The following RMC1 variants were observed in gnomAD, a reference collection of about 807,000 sequenced individuals.
RMC1 encodes regulator of MON1-CCZ1 complex.
RMC1 carries 44 observed loss-of-function variants against 95.5 expected under a neutral mutation model. The observed-to-expected ratio is 0.46, with a 90% confidence interval of 0.36 to 0.59. RMC1 has a LOEUF of 0.59. Among genes scored for constraint, RMC1 ranks in the 20% least tolerant of loss-of-function variants. RMC1 has a pLI of 0.00. For missense variants in RMC1, 705 were observed against 819.6 expected, an observed-to-expected ratio of 0.86 and a Z score of 1.71; for synonymous variants, 320 against 303.6, an observed-to-expected ratio of 1.05 and a Z score of -0.56.
Position 23,504,384 on chromosome 18 carries a change from G to A in RMC1, c.116G>A (p.Arg39Gln). 6.2e-7 allele frequency: 1 copy of A among 1,614,160 alleles called. No homozygotes were observed. Among genetic ancestry groups the A allele is most frequent in the Non-Finnish European group, 8.5e-7 (1 of 1,180,012 alleles). ...DEANKQVFAV[R>Q]SGGATGVVVK... ...TTTCCCTCTCAGGTTTTTGCTGTTC[G>A]ATCTGGTGGAGCTACTGGCGTGGTA... The change falls in exon 2 of 20, where the codon CGA (arginine) becomes CAA (glutamine). Residue 39 changes from arginine to glutamine, a missense_variant. Arg to Gln is a conservative substitution (Grantham distance 43). Coordinates refer to ENST00000269221, the MANE Select transcript of RMC1 (RefSeq NM_013326.5).
rs1348519777 is a variant in RMC1 at position 23,526,637 on chromosome 18, G to C, written c.1061G>C (p.Gly354Ala). The C allele has an allele frequency of 6.2e-7, 1 of 1,613,588 alleles. No homozygotes were observed. Among genetic ancestry groups the C allele is most frequent in the East Asian group, 2.2e-5 (1 of 44,864 alleles). ...TTATTTGCTGCCTCTTAAAATCCAG[G>C]TTACCTCTGGAACCTCCAAGTGAAA... ...QPDIIISASQ[G>A]YLWNLQVKLE... Residue 354 changes from glycine (G) to alanine (A), a missense_variant and splice_region_variant, in exon 13 of 20, where the codon GGT (glycine) becomes GCT (alanine). Physicochemically the swap from Gly to Ala is moderately conservative, Grantham distance 60. Coordinates refer to ENST00000269221, the MANE Select transcript of RMC1 (RefSeq NM_013326.5).
At chr18:23,531,011 T>C (rs867650870) in intron 19 of RMC1, among the ~76,000 whole-genome samples, 1 of 152,176 alleles carries the variant, frequency 6.6e-6, no homozygotes, top group Non-Finnish European at 1.5e-5. Flanking sequence ...CATTTTTTTT[T>C]TGAGACAGAG....
intron 9 of RMC1, 115 bp from the exon 10 acceptor site, chr18:23,520,087 A>G (rs2276260): frequency 1.4e-6 from 1 of 734,816 alleles, no homozygotes; most frequent in South Asian, 1.6e-5. Context: ...GCCTGTAGGG[A>G]GGAAATGCAA....
chr18:23,505,764 G>A (rs925692285), intron 2 of RMC1, among the ~76,000 whole-genome samples: 5 of 152,298 alleles, frequency 3.3e-5, no homozygotes, highest in Non-Finnish European at 5.9e-5. Flanking sequence ...TGGGTCTCTC[G>A]TAAGACCCGG....
At chr18:23,530,826 G>A (rs1230526946) in intron 19 of RMC1, among the ~76,000 whole-genome samples, 1 of 152,146 alleles carries the variant, frequency 6.6e-6, no homozygotes, top group Non-Finnish European at 1.5e-5. Flanking sequence ...GAGGAGGTGT[G>A]TTTTGAGTCA....
At chr18:23,515,765 T>C in intron 5 of RMC1, 91 bp from the exon 6 acceptor site, 1 of 1,495,880 alleles carries the variant, frequency 6.7e-7, no homozygotes, top group Non-Finnish European at 9.2e-7. Context: ...ACTCCTGACC[T>C]CAGGTGATCC....
At chr18:23,517,241 C>T (rs535903593) in intron 7 of RMC1, among the ~76,000 whole-genome samples, 1 of 152,034 alleles carries the variant, frequency 6.6e-6, no homozygotes, top group South Asian at 2.1e-4. Flanking sequence ...CCTCCGCCTC[C>T]CAGGTTCAAG....
At chr18:23,514,384 T>C in intron 5 of RMC1, among the ~76,000 whole-genome samples, 1 of 152,162 alleles carries the variant, frequency 6.6e-6, no homozygotes, top group Non-Finnish European at 1.5e-5. Flanking sequence ...CCGTCTCTAC[T>C]GTCTCAAAAT....
chr18:23,521,475 T>C (rs1439043406), intron 10 of RMC1, among the ~76,000 whole-genome samples: 3 of 152,350 alleles, frequency 2.0e-5, no homozygotes, highest in African/African-American at 7.2e-5. Flanking sequence ...TATTGCATTC[T>C]TTGGGACTGA....
intron 3 of RMC1, 117 bp downstream of exon 3, chr18:23,507,171 T>C (rs2057736836): frequency 1.5e-6 from 1 of 686,838 alleles, no homozygotes; most frequent in Non-Finnish European, 2.5e-6. Flanking sequence ...TTGTGAAAGG[T>C]ATAGTTATGT....
intron 5 of RMC1, among the ~76,000 whole-genome samples, chr18:23,515,531 GATTT>G (rs1251938695): frequency 2.0e-5 from 3 of 152,120 alleles, no homozygotes; most frequent in Non-Finnish European, 4.4e-5. Flanking sequence ...TGCTGTTATT[GATTT>G]ATTTATTAAT....
chr18:23,505,127 G>C (rs1459570312), intron 2 of RMC1, among the ~76,000 whole-genome samples: 1 of 152,132 alleles, frequency 6.6e-6, no homozygotes, highest in Non-Finnish European at 1.5e-5. Context: ...GTGCGATCTT[G>C]GCTGACTGCA....
In RMC1 at chr18:23,529,706, A is replaced by C. The variant is rs776866747; in HGVS notation, c.1488A>C (p.Ala496=). 8.1e-6 allele frequency: 13 copies of C among 1,613,204 alleles called. No homozygotes were observed. The Admixed American group carries it at 1.3e-4, about 17-fold the overall frequency. Reference sequence around the variant, plus strand: ...GTTCTCTTAACCAGTTTCAGATTGCAGTACAGGTACCTTCAAATCATCTGG... The same window carrying C: ...GTTCTCTTAACCAGTTTCAGATTGCCGTACAGGTACCTTCAAATCATCTGG... ...YIRSLNQFQI[A]VQHYLHELVI... Residue 496 remains alanine, a synonymous_variant, in exon 16 of 20, where the codon GCA becomes GCC. Transcript: ENST00000269221.
chr18:23,523,941 T>C (rs939985011), intron 10 of RMC1, among the ~76,000 whole-genome samples, 189 bp from the exon 11 acceptor site: 4 of 152,178 alleles, frequency 2.6e-5, no homozygotes, highest in African/African-American at 9.7e-5. Flanking sequence ...TTTTCCTGGA[T>C]TGTTAGCTCC....
At chr18:23,509,855 G>A (rs901145505) in intron 5 of RMC1, among the ~76,000 whole-genome samples, 5 of 150,858 alleles carry the variant, frequency 3.3e-5, no homozygotes, top group African/African-American at 9.7e-5. Flanking sequence ...CACTGCGCCC[G>A]GCCCTGGCTA....
In RMC1 at chr18:23,530,146, GA is replaced by G. The variant is rs756163108; in HGVS notation, c.1599+15del. ...TCCAAACCTTTGGTATGCATTGCCA[GA>G]TTTTTACTTCCATTGTGGTTAAAAA... is the stretch of plus-strand genomic sequence containing the variant. On this transcript the variant is annotated intron_variant, in intron 17 of 19. Coordinates refer to ENST00000269221, the MANE Select transcript of RMC1 (RefSeq NM_013326.5). 1.2e-6 allele frequency: 2 copies of G among 1,613,820 alleles called. No individual in the cohort carries two copies. The highest frequency in any genetic ancestry group is 1.7e-6 in the Non-Finnish European group (2 of 1,179,694).
intron 10 of RMC1, 24 bp from the exon 11 acceptor site, chr18:23,524,106 C>T (rs1264787543): frequency 1.2e-6 from 2 of 1,613,678 alleles, no homozygotes; most frequent in Admixed American, 1.7e-5. Context: ...TGCATCGTTG[C>T]ACTTATGTTT....
intron 7 of RMC1, 79 bp downstream of exon 7, chr18:23,516,502 C>T: frequency 1.4e-6 from 2 of 1,416,606 alleles, no homozygotes; most frequent in South Asian, 2.3e-5. Flanking sequence ...GTTACAAGCA[C>T]CACGTGATGC....
chr18:23,518,907 T>G lies in RMC1; in HGVS notation c.671T>G (p.Val224Gly). The G allele has an allele frequency of 1.2e-6, 2 of 1,614,134 alleles. No homozygotes were observed. Among genetic ancestry groups the G allele is most frequent in the Non-Finnish European group, 1.7e-6 (2 of 1,179,982 alleles). ...AMATIYGQLY[V>G]LFLRHHSRTS... ...CTAATTAGATACGGGCAGCTGTATG[T>G]TCTCTTCTTGAGGCATCATTCTCGG... The change falls in exon 8 of 20, where the codon GTT (valine) becomes GGT (glycine). Residue 224 changes from valine to glycine, a missense_variant. Coordinates refer to ENST00000269221, the MANE Select transcript of RMC1 (RefSeq NM_013326.5).
Sources: allele counts gnomAD v4.1 joint callset (sites outside exome capture counted in the v4.1 genomes callset), GRCh38; gene constraint gnomAD v4.1.1; transcripts MANE v1.5; gene names NCBI Gene and HGNC (gene_info 2026-07-23, HGNC 2026-07-21).